FBN2: variants seen among roughly 807,000 people sequenced by gnomAD.
FBN2 encodes the protein fibrillin 2.
Under a neutral mutation model 355.6 loss-of-function variants are expected in FBN2, and 105 were observed. The observed-to-expected ratio is 0.30, with a 90% confidence interval of 0.25 to 0.35. The LOEUF (loss-of-function observed/expected upper bound fraction) is 0.35. Ranked by LOEUF, FBN2 falls within the 10% of genes least tolerant of loss-of-function variation. The probability of loss-of-function intolerance (pLI) is 1.00; values close to 1 mark genes in which losing one functional copy is unlikely to be tolerated. For missense variants in FBN2, 3,280 were observed against 3,758.7 expected, an observed-to-expected ratio of 0.87 and a Z score of 3.33; for synonymous variants, 1,350 against 1,301.2, an observed-to-expected ratio of 1.04 and a Z score of -0.81.
intron 5 of FBN2, among the ~76,000 whole-genome samples, chr5:128,474,161 C>G (rs1282556268): frequency 6.6e-6 from 1 of 152,142 alleles, no homozygotes; most frequent in African/African-American, 2.4e-5. Context: ...AGTGCACTCT[C>G]CCAAGAGCAA....
chr5:128,264,967 A>T (rs566412428), intron 62 of FBN2, among the ~76,000 whole-genome samples: 28 of 152,322 alleles, frequency 1.8e-4, no homozygotes, highest in Non-Finnish European at 1.8e-4. Flanking sequence ...CATGATTCTG[A>T]TAGTCTCAGA....
chr5:128,341,526 C>A (rs1751020498), intron 25 of FBN2, among the ~76,000 whole-genome samples: 1 of 152,206 alleles, frequency 6.6e-6, no homozygotes, highest in Admixed American at 6.5e-5. Flanking sequence ...CAGATGCCCA[C>A]TATTCTAAGA....
In FBN2 at chr5:128,537,384, C is replaced by T. The variant is rs779812100; in HGVS notation, c.220G>A (p.Val74Ile). 67 of 1,610,262 alleles carry T rather than the reference C, an allele frequency of 4.2e-5. No homozygotes were observed. The highest frequency in any genetic ancestry group is 3.3e-4 in the Middle Eastern group (2 of 6,076). The change falls in exon 1 of 65, where the codon GTC becomes ATC. Residue 74 changes from valine (V) to isoleucine (I), a missense_variant. Coordinates refer to ENST00000262464, the MANE Select transcript of FBN2 (RefSeq NM_001999.4). ...REEGAAVASRVRRRGQQDVLR... is the reference protein window; with the variant it reads ...REEGAAVASRIRRRGQQDVLR... ...ACGTCCTGCTGTCCTCGCCGGCGGA[C>T]GCGGCTGGCCACTGCGGCACCCTCC... is the stretch of plus-strand genomic sequence containing the variant.
intron 5 of FBN2, among the ~76,000 whole-genome samples, chr5:128,501,968 T>G (rs1755829107): frequency 6.6e-6 from 1 of 152,154 alleles, no homozygotes; most frequent in African/African-American, 2.4e-5. Context: ...GGAAGAAGAC[T>G]ATCATTCCAA....
At chr5:128,386,675 T>A (rs1040946504) in intron 11 of FBN2, among the ~76,000 whole-genome samples, 7 of 152,122 alleles carry the variant, frequency 4.6e-5, no homozygotes, top group African/African-American at 1.7e-4. Flanking sequence ...TTTCCATTTG[T>A]TTGTGTTGTC....
chr5:128,336,221 C>T (rs1377635103), intron 27 of FBN2, 108 bp from the exon 28 acceptor site: 12 of 1,068,310 alleles, frequency 1.1e-5, no homozygotes, highest in Middle Eastern at 4.0e-4. Context: ...GTGTACTTCA[C>T]GAGGAAGTAA....
intron 55 of FBN2, among the ~76,000 whole-genome samples, chr5:128,281,653 T>A (rs1379131107): frequency 2.0e-5 from 3 of 152,116 alleles, no homozygotes; most frequent in South Asian, 2.1e-4. Flanking sequence ...TTAATTAATT[T>A]AAAAAAATTA....
chr5:128,264,648 A>G (rs983290257), intron 62 of FBN2, among the ~76,000 whole-genome samples: 3 of 152,222 alleles, frequency 2.0e-5, no homozygotes, highest in Non-Finnish European at 2.9e-5. Context: ...CACCCTGGGA[A>G]CAAATCACAT....
intron 21 of FBN2, among the ~76,000 whole-genome samples, 157 bp from the exon 22 acceptor site, chr5:128,350,162 T>C (rs1476721648): frequency 6.6e-6 from 1 of 152,232 alleles, no homozygotes; most frequent in Non-Finnish European, 1.5e-5. Flanking sequence ...CTTCATTCAG[T>C]AGGGCACATG....
At chr5:128,448,322 T>C (rs1754129972) in intron 6 of FBN2, among the ~76,000 whole-genome samples, 1 of 152,028 alleles carries the variant, frequency 6.6e-6, no homozygotes, top group African/African-American at 2.4e-5. Flanking sequence ...TTTTTTTTTT[T>C]AGACCAAGTT....
chr5:128,261,933 T>A, intron 63 of FBN2, 26 bp from the exon 64 acceptor site: 1 of 1,601,652 alleles, frequency 6.2e-7, no homozygotes, highest in Non-Finnish European at 8.6e-7. Context: ...AAAGTATTGT[T>A]AGACTTTATC....
Position 128,377,820 on chromosome 5 carries a change from G to T in FBN2, c.1781C>A (p.Thr594Lys), listed in dbSNP as rs1192240311. ...VLCKNGRCVN[T>K]DGSFQCICNA... ...GCAAATGCACTGGAAACTTCCATCT[G>T]TGTTCACGCATCGACCGTTTTTACA... is the stretch of plus-strand genomic sequence containing the variant. The change falls in exon 13 of 65, where the codon ACA becomes AAA. Residue 594 changes from threonine (T) to lysine (K), a missense_variant. Thr to Lys is a moderately conservative substitution (Grantham distance 78). Around this residue, in one of 6 missense-constraint regions of FBN2, gnomAD observed 2,284 missense variants for 2,749.5 expected, o/e 0.83. Coordinates refer to ENST00000262464, the MANE Select transcript of FBN2 (RefSeq NM_001999.4). The T allele has an allele frequency of 6.2e-7, 1 of 1,613,496 alleles. No homozygotes were observed. The highest frequency in any genetic ancestry group is 1.1e-5 in the South Asian group (1 of 91,070).
intron 55 of FBN2, among the ~76,000 whole-genome samples, chr5:128,282,280 CACTT>C (rs1332807982): frequency 6.6e-6 from 1 of 151,924 alleles, no homozygotes; most frequent in East Asian, 1.9e-4. Flanking sequence ...TAGAAAAAAA[CACTT>C]ACTTCAGAAA....
chr5:128,494,237 T>C (rs1419232734), intron 5 of FBN2, among the ~76,000 whole-genome samples: 1 of 152,098 alleles, frequency 6.6e-6, no homozygotes, highest in Non-Finnish European at 1.5e-5. Context: ...GGCAGGCCCA[T>C]AAGAAGAAAG....
In FBN2 at chr5:128,376,813, T is replaced by G; in HGVS notation, c.1890A>C (p.Gly630=). ...AGCTGCCATCTTCATTGATGCACAT[T>G]CCATTCAAACACATGTTGGTAGTTG... ...ECTTTNMCLN[G]MCINEDGSFK... The change falls in exon 14 of 65, where the codon GGA becomes GGC. Residue 630 remains glycine, a synonymous_variant. Transcript: ENST00000262464. 6.2e-7 allele frequency: 1 copy of G among 1,613,644 alleles called. No individual in the cohort carries two copies. The highest frequency in any genetic ancestry group is 8.5e-7 in the Non-Finnish European group (1 of 1,179,674).
At chr5:128,406,022 C>T (rs775964427) in intron 8 of FBN2, among the ~76,000 whole-genome samples, 2 of 152,128 alleles carry the variant, frequency 1.3e-5, no homozygotes, top group Non-Finnish European at 2.9e-5. Context: ...ATTTTGTGTT[C>T]GCATATGCAC....
chr5:128,416,707 C>G (rs1358840357), intron 7 of FBN2, among the ~76,000 whole-genome samples: 2 of 152,100 alleles, frequency 1.3e-5, no homozygotes, highest in African/African-American at 4.8e-5. Context: ...TGGTGAAAAT[C>G]TGTAAATAGG....
intron 5 of FBN2, among the ~76,000 whole-genome samples, chr5:128,487,205 T>C (rs896663674): frequency 9.8e-5 from 15 of 152,324 alleles, no homozygotes; most frequent in Non-Finnish European, 1.5e-4. Context: ...TTGGTAGCCA[T>C]GGAGGCATGT....
intron 6 of FBN2, among the ~76,000 whole-genome samples, chr5:128,454,036 G>T (rs1042908147): frequency 6.6e-6 from 1 of 151,388 alleles, no homozygotes; most frequent in African/African-American, 2.4e-5. Context: ...TTACTGTGAG[G>T]TTCTGAAGTA....
Sources: allele counts gnomAD v4.1 joint callset (sites outside exome capture counted in the v4.1 genomes callset), GRCh38; gene constraint gnomAD v4.1.1; regional missense constraint gnomAD v4.1.1; transcripts MANE v1.5; gene names NCBI Gene and HGNC (gene_info 2026-07-23, HGNC 2026-07-21).